PTGER3: variants seen among roughly 807,000 people sequenced by gnomAD.
PTGER3 encodes prostaglandin E2 receptor EP3 subtype.
Under a neutral mutation model 34.7 loss-of-function variants are expected in PTGER3, and 22 were observed. The observed-to-expected ratio is 0.63, with a 90% CI of 0.45 to 0.91. The LOEUF (loss-of-function observed/expected upper bound fraction) is 0.91, where lower values mean the gene tolerates loss of function less well. Among genes scored for constraint, PTGER3 ranks in the 40% least tolerant of loss-of-function variants. The probability of loss-of-function intolerance (pLI) is 0.00; values close to 1 mark genes in which losing one functional copy is unlikely to be tolerated. For synonymous variants in PTGER3, 241 were observed against 230.1 expected (o/e 1.05, Z -0.43); for missense variants, 468 against 519.4 (o/e 0.90, Z 0.96).
At chr1:70,991,002 A>G (rs912768872) in intron 2 of PTGER3, among the ~76,000 whole-genome samples, 9 of 152,196 alleles carry the variant, frequency 5.9e-5, no homozygotes, top group African/African-American at 2.2e-4. Context: ...TCTGAACGTC[A>G]TTCACTTCAT....
intron 4 of PTGER3, among the ~76,000 whole-genome samples, chr1:70,856,593 A>G (rs1645811392): frequency 6.6e-6 from 1 of 152,202 alleles, no homozygotes; most frequent in South Asian, 2.1e-4. Context: ...GTAATTTTAT[A>G]CCAACTCTTT....
chr1:70,936,017 G>A (rs1038854991), intron 4 of PTGER3, among the ~76,000 whole-genome samples: 6 of 152,108 alleles, frequency 3.9e-5, no homozygotes, highest in Admixed American at 6.6e-5. Context: ...GCACCAATAC[G>A]TAACAAGTTT....
chr1:70,948,626 A>C (rs1650450633), downstream of PTGER3, among the ~76,000 whole-genome samples: 1 of 152,206 alleles, frequency 6.6e-6, no homozygotes, highest in Non-Finnish European at 1.5e-5. Flanking sequence ...TCACGTGCAT[A>C]ATAACTCCAT....
chr1:70,937,550 G>A (rs988114758), intron 4 of PTGER3, among the ~76,000 whole-genome samples: 2 of 152,166 alleles, frequency 1.3e-5, no homozygotes, highest in African/African-American at 4.8e-5. Context: ...AAAAGGAATA[G>A]TTAGGTGAAG....
At chr1:71,027,302 G>A (rs111981035) in intron 1 of PTGER3, among the ~76,000 whole-genome samples, 34 of 152,066 alleles carry the variant, frequency 2.2e-4, no homozygotes, top group African/African-American at 8.0e-4. Context: ...CTACAGGCAT[G>A]TGCCACCATG....
chr1:70,894,982 A>G (rs1019550198), intron 4 of PTGER3, among the ~76,000 whole-genome samples: 37 of 152,206 alleles, frequency 2.4e-4, no homozygotes, highest in African/African-American at 8.2e-4. Flanking sequence ...TTGACATCTC[A>G]CTGAGTGGTG....
chr1:70,871,195 A>G (rs189017899), intron 4 of PTGER3, among the ~76,000 whole-genome samples: 55 of 152,246 alleles, frequency 3.6e-4, no homozygotes, highest in African/African-American at 1.2e-3. Context: ...GGGAGCTTTT[A>G]CTCATGGTGG....
chr1:71,016,911 C>T (rs1657957304), intron 1 of PTGER3, among the ~76,000 whole-genome samples: 2 of 151,906 alleles, frequency 1.3e-5, no homozygotes, highest in African/African-American at 4.8e-5. Flanking sequence ...TAAATATGGA[C>T]AATTATACAC....
At chr1:71,010,435 A>G (rs1657339240) in intron 2 of PTGER3, 1 of 984,202 alleles carries the variant, frequency 1.0e-6, no homozygotes. Flanking sequence ...CTGAATAAAT[A>G]TGTATTAGAC....
At chr1:70,897,316 T>C (rs1646742890) in intron 4 of PTGER3, among the ~76,000 whole-genome samples, 1 of 152,234 alleles carries the variant, frequency 6.6e-6, no homozygotes, top group African/African-American at 2.4e-5. Context: ...CACTCATTTA[T>C]TCATTTGTGA....
At chr1:70,860,920 A>G (rs1371257704) in intron 4 of PTGER3, among the ~76,000 whole-genome samples, 6 of 152,240 alleles carry the variant, frequency 3.9e-5, no homozygotes, top group Non-Finnish European at 8.8e-5. Context: ...TAAGTAGCTT[A>G]CACAGTCTGT....
At chr1:70,870,317 A>G (rs1320298631) in intron 4 of PTGER3, among the ~76,000 whole-genome samples, 1 of 152,098 alleles carries the variant, frequency 6.6e-6, no homozygotes, top group African/African-American at 2.4e-5. Context: ...GGCCCACAAA[A>G]TCATTCTTCC....
intron 2 of PTGER3, chr1:71,005,957 G>T: frequency 3.5e-6 from 2 of 564,398 alleles, no homozygotes; most frequent in Non-Finnish European, 2.2e-6. Context: ...ATGTATACTG[G>T]TCAGATGAGG....
chr1:71,020,108 G>C (rs888608053), intron 1 of PTGER3, among the ~76,000 whole-genome samples: 1 of 152,122 alleles, frequency 6.6e-6, no homozygotes, highest in Non-Finnish European at 1.5e-5. Flanking sequence ...ATGGGAAGAA[G>C]CTTCACTGTG....
chr1:71,003,886 T>C (rs1019398501), intron 2 of PTGER3, among the ~76,000 whole-genome samples: 6 of 152,210 alleles, frequency 3.9e-5, no homozygotes, highest in African/African-American at 1.4e-4. Flanking sequence ...CGAAGAGGTC[T>C]ATAGATAGAC....
At chr1:70,907,066 A>ACAT (rs1557645887) in intron 4 of PTGER3, among the ~76,000 whole-genome samples, 1 of 152,230 alleles carries the variant, frequency 6.6e-6, no homozygotes, top group East Asian at 1.9e-4. Flanking sequence ...GAGTCACAAG[A>ACAT]CATCAGTTCA....
rs550119621 is a variant in PTGER3 at position 70,898,467 on chromosome 1, C to T, written c.*24-45608G>A. Reference sequence around the variant, plus strand: ...GACTTCATTATTCCTCATCTCCTCTCGAATGCCTTCCTTGACCACCAGTCT... The same window carrying T: ...GACTTCATTATTCCTCATCTCCTCTTGAATGCCTTCCTTGACCACCAGTCT... On this transcript the variant is annotated intron_variant, in intron 4 of 4. Transcript: ENST00000370931. 1.1e-4 allele frequency among the ~76,000 whole-genome samples: 17 copies of T among 152,278 alleles called. No homozygotes were observed. In the South Asian group the frequency reaches 2.1e-3, roughly 19 times the overall value.
intron 1 of PTGER3, among the ~76,000 whole-genome samples, chr1:71,024,963 G>T (rs997644904): frequency 1.3e-5 from 2 of 151,526 alleles, no homozygotes; most frequent in Non-Finnish European, 1.5e-5. Flanking sequence ...ACAACGTGCA[G>T]GTTTGTTACG....
chr1:70,923,496 T>C (rs985779372), intron 4 of PTGER3, among the ~76,000 whole-genome samples: 4 of 152,180 alleles, frequency 2.6e-5, no homozygotes, highest in African/African-American at 9.6e-5. Context: ...TGTTCTTAAA[T>C]GGAGGTTTCT....
Sources: allele counts gnomAD v4.1 joint callset (sites outside exome capture counted in the v4.1 genomes callset), GRCh38; gene constraint gnomAD v4.1.1; transcripts MANE v1.5; gene names NCBI Gene and HGNC (gene_info 2026-07-23, HGNC 2026-07-21).